SAA4: variants seen among roughly 807,000 people sequenced by gnomAD.
SAA4 encodes the protein serum amyloid A4, constitutive.
SAA4 carries 8 observed loss-of-function variants against 11.2 expected under a neutral mutation model. The observed-to-expected ratio is 0.71, with a 90% CI of 0.42 to 1.29. The LOEUF (loss-of-function observed/expected upper bound fraction) is 1.29, where lower values mean the gene tolerates loss of function less well. Ranked by LOEUF, SAA4 falls within the 50% of genes most tolerant of loss-of-function variation. The pLI, the probability that SAA4 is intolerant of heterozygous loss-of-function variation, is 0.01. For synonymous variants in SAA4, 60 were observed against 56.2 expected (o/e 1.07, Z -0.30); for missense variants, 171 against 164.2 (o/e 1.04, Z -0.23).
intron 3 of SAA4, 46 bp downstream of exon 3, chr11:18,232,349 T>C (rs1406311035): frequency 6.2e-7 from 1 of 1,604,190 alleles, no homozygotes; most frequent in Admixed American, 1.7e-5. Flanking sequence ...TCAAGACAGA[T>C]AGGCACTGCT....
intron 2 of SAA4, among the ~76,000 whole-genome samples, chr11:18,234,474 T>C (rs922018182): frequency 9.8e-5 from 15 of 152,368 alleles, no homozygotes; most frequent in Non-Finnish European, 1.8e-4. Flanking sequence ...GAAACAGGTC[T>C]AAGCCAGGAA....
intron 2 of SAA4, among the ~76,000 whole-genome samples, chr11:18,233,141 G>A (rs1857161704): frequency 1.3e-5 from 2 of 152,204 alleles, no homozygotes; most frequent in South Asian, 4.1e-4. Flanking sequence ...GGCAGTACGT[G>A]ATGAGGTGGA....
intron 2 of SAA4, among the ~76,000 whole-genome samples, 158 bp downstream of exon 2, chr11:18,235,678 A>G (rs1287766245): frequency 6.6e-6 from 1 of 152,178 alleles, no homozygotes; most frequent in African/African-American, 2.4e-5. Context: ...GGAGGGTGAT[A>G]AATCAGACCA....
intron 3 of SAA4, 140 bp from the exon 4 acceptor site, chr11:18,231,804 A>G: frequency 9.2e-7 from 1 of 1,088,556 alleles, no homozygotes; most frequent in East Asian, 2.6e-5. Context: ...GGAAAGGGGA[A>G]GAAAACTATC....
chr11:18,231,749 C>T (rs757317636), intron 3 of SAA4, 85 bp from the exon 4 acceptor site: 3 of 1,480,156 alleles, frequency 2.0e-6, no homozygotes, highest in Non-Finnish European at 1.8e-6. Flanking sequence ...ACTCCCTCCT[C>T]TTCTCCCACC....
rs1410112752 is a variant in SAA4 at position 18,232,497 on chromosome 11, A to C, written c.128T>G (p.Met43Arg). ...GDMGRAYWDI[M>R]ISNHQNSNRY... Reference sequence around the variant, plus strand: ...GTTTGAATTTTGGTGATTGGATATCATTATGTCCCAATAGGCTCTGCCCAT... The same window carrying C: ...GTTTGAATTTTGGTGATTGGATATCCTTATGTCCCAATAGGCTCTGCCCAT... Residue 43 changes from methionine (M) to arginine (R), a missense_variant, in exon 3 of 4, where the codon ATG becomes AGG. Met to Arg is a moderately conservative substitution (Grantham distance 91, BLOSUM62 -1). Transcript: ENST00000278222. The C allele has an allele frequency of 1.2e-6, 2 of 1,614,108 alleles. No homozygotes were observed. The highest frequency in any genetic ancestry group is 2.7e-5 in the African/African-American group (2 of 74,940).
intron 2 of SAA4, among the ~76,000 whole-genome samples, chr11:18,232,945 T>C (rs1262298630): frequency 6.6e-6 from 1 of 152,236 alleles, no homozygotes; most frequent in Non-Finnish European, 1.5e-5. Context: ...AATGTCACAA[T>C]GGAGAATAGT....
chr11:18,232,347 G>T, intron 3 of SAA4, 48 bp downstream of exon 3: 1 of 1,603,516 alleles, frequency 6.2e-7, no homozygotes, highest in South Asian at 1.1e-5. Flanking sequence ...TCTCAAGACA[G>T]ATAGGCACTG....
intron 2 of SAA4, among the ~76,000 whole-genome samples, chr11:18,232,974 A>G (rs536175618): frequency 6.6e-6 from 1 of 152,384 alleles, no homozygotes; most frequent in African/African-American, 2.4e-5. Context: ...TGTAAGATCC[A>G]GGGACATTAC....
intron 1 of SAA4, among the ~76,000 whole-genome samples, chr11:18,236,222 A>ATTTTTT (rs36090595): frequency 7.7e-6 from 1 of 129,574 alleles, no homozygotes; most frequent in African/African-American, 2.9e-5. Flanking sequence ...CACTCAGCTA[A>ATTTTTT]TTTTTTTTTT....
At chr11:18,236,344 G>A (rs1345000128) in intron 1 of SAA4, among the ~76,000 whole-genome samples, 1 of 151,546 alleles carries the variant, frequency 6.6e-6, no homozygotes, top group Non-Finnish European at 1.5e-5. Context: ...TTACAGGCAT[G>A]AGCCACTGTG....
intron 3 of SAA4, among the ~76,000 whole-genome samples, 158 bp from the exon 4 acceptor site, chr11:18,231,822 T>C (rs1018626830): frequency 1.4e-5 from 2 of 147,920 alleles, no homozygotes; most frequent in Non-Finnish European, 3.0e-5. Context: ...ATCAATCTTC[T>C]TGGGCAAAGG....
At position 18,232,530 on chromosome 11, in the gene SAA4, A is replaced by T; in HGVS notation, c.95T>A (p.Val32Asp). 6.2e-7 allele frequency: 1 copy of T among 1,610,024 alleles called. No homozygotes were observed. Residue 32 changes from valine (V) to aspartate (D), a missense_variant, in exon 3 of 4, where the codon GTT (valine) becomes GAT (aspartate). Val to Asp is a radical substitution (Grantham distance 152). Transcript: ENST00000278222. ...CCAATAGGCTCTGCCCATGTCCCCAACCCCTGGAAAGAAAAAAAATGACAA... is the reference window on the plus strand; with the variant it reads ...CCAATAGGCTCTGCCCATGTCCCCATCCCCTGGAAAGAAAAAAAATGACAA... ...RSFFKEALQG[V>D]GDMGRAYWDI...
chr11:18,236,186 T>C (rs533511051), intron 1 of SAA4, among the ~76,000 whole-genome samples: 1 of 151,562 alleles, frequency 6.6e-6, no homozygotes, highest in Non-Finnish European at 1.5e-5. Context: ...CTCCTGAGTA[T>C]TAAGGACTAC....
chr11:18,232,003 T>C (rs1364382442), intron 3 of SAA4, among the ~76,000 whole-genome samples: 1 of 148,762 alleles, frequency 6.7e-6, no homozygotes, highest in Non-Finnish European at 1.5e-5. Context: ...CACTTCAGCC[T>C]CCTGAGTAGC....
At position 18,231,541 on chromosome 11, in the gene SAA4, G is replaced by A. The variant is rs766448875; in HGVS notation, c.354C>T (p.Pro118=). The A allele has an allele frequency of 3.5e-5, 56 of 1,613,874 alleles. No homozygotes were observed. Among genetic ancestry groups the A allele is most frequent in the Non-Finnish European group, 4.3e-5 (51 of 1,180,032 alleles). ...AEEWGRSGKD[P]DRFRPDGLPK... is the part of the protein sequence containing the mutation. ...GCAGGCCGTCAGGTCTGAAGCGGTC[G>A]GGGTCTTTGCCACTCCGGCCCCATT... Residue 118 remains proline (P), a synonymous_variant, in exon 4 of 4, where the codon CCC becomes CCT. Coordinates refer to ENST00000278222, the MANE Select transcript of SAA4 (RefSeq NM_006512.4).
chr11:18,232,376 C>T lies in SAA4; in HGVS notation c.230+19G>A, dbSNP rs774662589. The T allele has an allele frequency of 1.9e-6, 3 of 1,612,124 alleles. No homozygotes were observed. The highest frequency in any genetic ancestry group is 4.5e-5 in the East Asian group (2 of 44,836). ...GGCACTGCTGGCCTCTCACTGGAGT[C>T]CCCGGGAATCTGTGTTACCTGATGA... On this transcript the variant is annotated intron_variant, in intron 3 of 3. Transcript: ENST00000278222.
chr11:18,231,560 C>G lies in SAA4; in HGVS notation c.335G>C (p.Gly112Ala). The change falls in exon 4 of 4, where the codon GGC (glycine) becomes GCC (alanine). Residue 112 changes from glycine to alanine, a missense_variant. Coordinates refer to ENST00000278222, the MANE Select transcript of SAA4 (RefSeq NM_006512.4). ...GCGGTCGGGGTCTTTGCCACTCCGGCCCCATTCCTCAGCTTTCTCGTTGGA... is the reference window on the plus strand; with the variant it reads ...GCGGTCGGGGTCTTTGCCACTCCGGGCCCATTCCTCAGCTTTCTCGTTGGA... ...SKSNEKAEEW[G>A]RSGKDPDRFR... 6.2e-7 allele frequency: 1 copy of G among 1,614,118 alleles called. No individual in the cohort carries two copies. The highest frequency in any genetic ancestry group is 8.5e-7 in the Non-Finnish European group (1 of 1,180,032).
At chr11:18,231,745 T>G in intron 3 of SAA4, 81 bp from the exon 4 acceptor site, 1 of 1,489,044 alleles carries the variant, frequency 6.7e-7, no homozygotes, top group Non-Finnish European at 9.0e-7. Flanking sequence ...GCTAACTCCC[T>G]CCTCTTCTCC....
Sources: allele counts gnomAD v4.1 joint callset (sites outside exome capture counted in the v4.1 genomes callset), GRCh38; gene constraint gnomAD v4.1.1; transcripts MANE v1.5; gene names NCBI Gene and HGNC (gene_info 2026-07-23, HGNC 2026-07-21).